Variants in PORCN observed in about 807,000 individuals in gnomAD.
PORCN encodes the protein protein-serine O-palmitoleoyltransferase porcupine.
In PORCN, 1 loss-of-function variant was observed where a neutral mutation model predicts 43.0. The ratio of observed to expected loss-of-function variants is 0.02; its 90% CI spans 0.01 to 0.11. The LOEUF (loss-of-function observed/expected upper bound fraction) is 0.11, where lower values mean the gene tolerates loss of function less well. PORCN is among the 10% of genes least tolerant of loss of function. The pLI is 1.00. For synonymous variants in PORCN, 148 were observed against 166.4 expected (o/e 0.89, Z 0.85); for missense variants, 240 against 392.1 (o/e 0.61, Z 3.28).
Position 48,514,489 on chromosome X carries a change from A to T in PORCN, c.846-36A>T, listed in dbSNP as rs183714813. Reference sequence around the variant, plus strand: ...AAGTGTGGCGGTCAGATGAGTTGAGATCCCAAATGGATTTGCATATCTCTT... The same window carrying T: ...AAGTGTGGCGGTCAGATGAGTTGAGTTCCCAAATGGATTTGCATATCTCTT... On this transcript the variant is annotated intron_variant, in intron 9 of 14. Transcript: ENST00000326194. 8.3e-4 allele frequency: 989 copies of T among 1,191,689 alleles called. 6 individuals carry two copies. The African/African-American group carries it at 0.016, about 19-fold the overall frequency.
At chrX:48,513,001 A>G (rs2061687733) in intron 7 of PORCN, 149 bp downstream of exon 7, 1 of 711,089 alleles carries the variant, frequency 1.4e-6, no homozygotes, top group Non-Finnish European at 2.2e-6. Flanking sequence ...TGGCTGACGA[A>G]GCTTGGCTCT....
chrX:48,514,763 G>T (rs2061703360), intron 10 of PORCN, 138 bp downstream of exon 10: 2 of 531,458 alleles, frequency 3.8e-6, no homozygotes, highest in Non-Finnish European at 6.7e-6. Context: ...CTCCTGGGGG[G>T]GCAGATGATA....
At chrX:48,515,998 G>T (rs370634341) in intron 12 of PORCN, 45 bp downstream of exon 12, 4 of 1,202,798 alleles carry the variant, frequency 3.3e-6, no homozygotes, top group Admixed American at 4.4e-5. Flanking sequence ...AGGTTGGTGG[G>T]GGGGCTGGAG....
rs930225411 is a variant in PORCN at position 48,512,692 on chromosome X, C to T, written c.659C>T (p.Pro220Leu). The T allele has an allele frequency of 2.5e-6, 3 of 1,210,710 alleles. No homozygotes were observed. Among genetic ancestry groups the T allele is most frequent in the Non-Finnish European group, 3.4e-6 (3 of 895,260 alleles). Residue 220 changes from proline to leucine, a missense_variant, in exon 6 of 15, where the codon CCC becomes CTC. Physicochemically the swap from Pro to Leu is moderately conservative, Grantham distance 98. Transcript: ENST00000326194. ...CCCTACCTCTTCCCGTACTTCATCCCCCTCAACGGTGACCGCCTCCTTCGC... is the reference window on the plus strand; with the variant it reads ...CCCTACCTCTTCCCGTACTTCATCCTCCTCAACGGTGACCGCCTCCTTCGC... ...VGPYLFPYFIPLNGDRLLRNK... is the reference protein window; with the variant it reads ...VGPYLFPYFILLNGDRLLRNK...
At position 48,514,836 on chromosome X, in the gene PORCN, A is replaced by T. The variant is rs931261515; in HGVS notation, c.946+211A>T. Among the ~76,000 whole-genome samples, 41 of 111,670 alleles carry T rather than the reference A, an allele frequency of 3.7e-4. 1 individual carries two copies. Among genetic ancestry groups the T allele is most frequent in the African/African-American group, 9.4e-4 (29 of 30,697 alleles). ...ATAAGTGCTATGGTTAAAAAAAAAA[A>T]TTTTTAAAAAAGCAGGTAAAGGTGA... On this transcript the variant is annotated intron_variant, in intron 10 of 14. Coordinates refer to ENST00000326194, the MANE Select transcript of PORCN (RefSeq NM_203475.3).
At position 48,514,699 on chromosome X, in the gene PORCN, A is replaced by C. The variant is rs782381090; in HGVS notation, c.946+74A>C. The C allele has an allele frequency of 2.3e-4, 201 of 869,241 alleles. No individual in the cohort carries two copies. In the South Asian group the frequency reaches 4.1e-3, roughly 18 times the overall value. 71.6% of individuals were successfully genotyped at this position (869,241 alleles called of 1,213,427 possible). On this transcript the variant is annotated intron_variant, in intron 10 of 14. Coordinates refer to ENST00000326194, the MANE Select transcript of PORCN (RefSeq NM_203475.3). ...TCATACATTCATACAACATTTACTG[A>C]GCACCTTCTGTGTGCTAGGCACCCA... is the stretch of plus-strand genomic sequence containing the variant.
chrX:48,513,167 G>T (rs2061688861), intron 7 of PORCN, among the ~76,000 whole-genome samples: 1 of 112,649 alleles, frequency 8.9e-6, no homozygotes, highest in Non-Finnish European at 1.9e-5. Context: ...TCTGTCTAGG[G>T]ATATGTATGA....
chrX:48,518,926 C>G (rs1171566070), intron 14 of PORCN, among the ~76,000 whole-genome samples: 1 of 111,133 alleles, frequency 9.0e-6, no homozygotes, highest in East Asian at 2.8e-4. Flanking sequence ...GCAGTCCACC[C>G]ACCTCAGCCT....
At chrX:48,518,229 A>G (rs1279300039) in intron 14 of PORCN, among the ~76,000 whole-genome samples, 2 of 108,942 alleles carry the variant, frequency 1.8e-5, no homozygotes, top group African/African-American at 6.7e-5. Flanking sequence ...AAATATATAT[A>G]TATATTTTTA....
Sources: allele counts gnomAD v4.1 joint callset (sites outside exome capture counted in the v4.1 genomes callset), GRCh38; gene constraint gnomAD v4.1.1; transcripts MANE v1.5; gene names NCBI Gene and HGNC (gene_info 2026-07-23, HGNC 2026-07-21).